The following OPHN1 variants were observed in gnomAD, a reference collection of about 807,000 sequenced individuals.
OPHN1 encodes oligophrenin-1.
Under a neutral mutation model 60.7 loss-of-function variants are expected in OPHN1, and 11 were observed. The ratio of observed to expected loss-of-function variants is 0.18; its 90% CI spans 0.11 to 0.30. The LOEUF (loss-of-function observed/expected upper bound fraction) is 0.30, where lower values mean the gene tolerates loss of function less well. Among genes scored for constraint, OPHN1 ranks in the 10% least tolerant of loss-of-function variants. OPHN1 has a pLI of 1.00. For missense variants in OPHN1, 449 were observed against 611.0 expected (o/e 0.73, Z 2.80); for synonymous variants, 226 against 222.6 (o/e 1.02, Z -0.14).
At chrX:68,267,082 G>A (rs1406548920) in intron 5 of OPHN1, among the ~76,000 whole-genome samples, 2 of 111,495 alleles carry the variant, frequency 1.8e-5, no homozygotes, top group East Asian at 5.6e-4. Context: ...AATAATGGGA[G>A]ACTTTAACAC....
At chrX:68,334,803 C>T (rs970243340) in intron 2 of OPHN1, among the ~76,000 whole-genome samples, 2 of 109,433 alleles carry the variant, frequency 1.8e-5, no homozygotes, top group Non-Finnish European at 3.8e-5. Flanking sequence ...TGGTGAAACC[C>T]CATCTCTACA....
intron 2 of OPHN1, among the ~76,000 whole-genome samples, chrX:68,341,704 G>C (rs1459390613): frequency 1.8e-5 from 2 of 109,614 alleles, no homozygotes; most frequent in African/African-American, 6.6e-5. Flanking sequence ...CAGGCATGGC[G>C]GCACGAGCCT....
intron 2 of OPHN1, among the ~76,000 whole-genome samples, chrX:68,386,747 C>T (rs1475223729): frequency 2.7e-5 from 3 of 112,072 alleles, no homozygotes; most frequent in Non-Finnish European, 5.6e-5. Flanking sequence ...AACTAATATC[C>T]GTATTTGGCT....
chrX:68,260,960 T>C (rs1317907266), intron 5 of OPHN1, among the ~76,000 whole-genome samples: 1 of 112,014 alleles, frequency 8.9e-6, no homozygotes, highest in Non-Finnish European at 1.9e-5. Context: ...CAGTCTCATC[T>C]ACCTCCAGAA....
In OPHN1 at chrX:68,044,599, C is replaced by T. The variant is rs1468061893; in HGVS notation, c.*2573G>A. On this transcript the variant is annotated 3_prime_UTR_variant, in exon 25 of 25. Transcript: ENST00000355520. ...TCTTCCCATAGCCTCTGCAAAATGA[C>T]TGCCCATCCATTAAGCCTAGGGCAA... 1 of 112,811 alleles carries T rather than the reference C, an allele frequency of 8.9e-6. No individual in the cohort carries two copies. Among genetic ancestry groups the T allele is most frequent in the Non-Finnish European group, 1.9e-5 (1 of 53,387 alleles). The allele number at this position is 112,811 out of a possible 1,213,427, so 9.3% of individuals were successfully genotyped here. A position where few individuals can be genotyped will look rare whatever the true frequency, so the allele number is the denominator to read the frequency against.
At position 68,258,014 on chromosome X, in the gene OPHN1, C is replaced by T. The variant is rs187064916; in HGVS notation, c.384+16724G>A. 2.5e-4 allele frequency among the ~76,000 whole-genome samples: 27 copies of T among 109,257 alleles called. 1 individual carries two copies. The highest frequency in any genetic ancestry group is 1.2e-3 in the Admixed American group (12 of 10,053). The allele number at this position is 109,257 out of a possible 115,157, so 94.9% of individuals were successfully genotyped here. On this transcript the variant is annotated intron_variant, in intron 5 of 24. Transcript: ENST00000355520. Reference sequence around the variant, plus strand: ...CAAATAGTTCAAGTAGAAAGGGCACCGGGATAGGGAGAAGGGGCAGATAAC... The same window carrying T: ...CAAATAGTTCAAGTAGAAAGGGCACTGGGATAGGGAGAAGGGGCAGATAAC...
intron 20 of OPHN1, 32 bp from the exon 21 acceptor site, chrX:68,064,209 AATG>A (rs1482412367): frequency 8.5e-7 from 1 of 1,172,492 alleles, no homozygotes; most frequent in Non-Finnish European, 1.2e-6. Context: ...AGGGAAGATT[AATG>A]ATAACTTTTA....
At chrX:68,410,761 C>G (rs2078765211) in intron 2 of OPHN1, among the ~76,000 whole-genome samples, 1 of 110,951 alleles carries the variant, frequency 9.0e-6, no homozygotes, top group African/African-American at 3.3e-5. Flanking sequence ...CACATTCGCA[C>G]CATAGCAGGG....
Position 68,152,838 on chromosome X carries a change from T to C in OPHN1, c.1277-33506A>G, listed in dbSNP as rs192270638. ...AAGTAAACATGCTCATGTTGACTTA[T>C]TGAAGAATGTACATGTATAGAGAGT... is the stretch of plus-strand genomic sequence containing the variant. On this transcript the variant is annotated intron_variant, in intron 15 of 24. Coordinates refer to ENST00000355520, the MANE Select transcript of OPHN1 (RefSeq NM_002547.3). Among the ~76,000 whole-genome samples, 40 of 111,634 alleles carry C rather than the reference T, an allele frequency of 3.6e-4. No individual in the cohort carries two copies. In the South Asian group the frequency reaches 8.3e-3, roughly 23 times the overall value.
At chrX:68,227,017 A>T (rs1056473239) in intron 6 of OPHN1, among the ~76,000 whole-genome samples, 5 of 111,537 alleles carry the variant, frequency 4.5e-5, no homozygotes, top group East Asian at 5.6e-4. Context: ...GACCCATCTC[A>T]CGTGCAGAGA....
At chrX:68,284,094 C>G (rs2078030286) in intron 3 of OPHN1, among the ~76,000 whole-genome samples, 1 of 111,588 alleles carries the variant, frequency 9.0e-6, no homozygotes, top group Admixed American at 9.6e-5. Flanking sequence ...ATACTTTATG[C>G]TAAGAAAAGA....
At chrX:68,214,640 C>T (rs2077599572) in intron 6 of OPHN1, among the ~76,000 whole-genome samples, 1 of 111,969 alleles carries the variant, frequency 8.9e-6, no homozygotes, top group African/African-American at 3.2e-5. Flanking sequence ...AGGCAATAAA[C>T]ACAGTCTGAA....
chrX:68,211,296 T>C (rs1264695729), intron 8 of OPHN1, among the ~76,000 whole-genome samples: 1 of 112,414 alleles, frequency 8.9e-6, no homozygotes, highest in African/African-American at 3.2e-5. Flanking sequence ...CATTCTAAAG[T>C]CACCAACTCA....
At chrX:68,209,814 T>C (rs1407268129) in intron 9 of OPHN1, among the ~76,000 whole-genome samples, 1 of 111,431 alleles carries the variant, frequency 9.0e-6, no homozygotes, top group Non-Finnish European at 1.9e-5. Context: ...GTCTGGTACA[T>C]AATAAGTATA....
At chrX:68,409,966 T>C (rs2078761556) in intron 2 of OPHN1, among the ~76,000 whole-genome samples, 1 of 111,449 alleles carries the variant, frequency 9.0e-6, no homozygotes, top group South Asian at 3.8e-4. Flanking sequence ...AATATCATTC[T>C]TTTCATCAAC....
chrX:68,141,452 T>C (rs938314426), intron 15 of OPHN1, among the ~76,000 whole-genome samples: 1 of 111,916 alleles, frequency 8.9e-6, no homozygotes, highest in Non-Finnish European at 1.9e-5. Context: ...GAAAAGTGTA[T>C]CTTAGAATCA....
At chrX:68,234,465 G>C in intron 6 of OPHN1, 22 bp downstream of exon 6, 1 of 1,115,557 alleles carries the variant, frequency 9.0e-7, no homozygotes, top group Admixed American at 2.2e-5. Context: ...ATGGAAGGCA[G>C]GGGCAGGCTT....
At chrX:68,425,730 T>G (rs2078850905) in intron 2 of OPHN1, among the ~76,000 whole-genome samples, 1 of 109,632 alleles carries the variant, frequency 9.1e-6, no homozygotes, top group African/African-American at 3.4e-5. Flanking sequence ...TTATCAATTT[T>G]ATGTACATTT....
intron 15 of OPHN1, among the ~76,000 whole-genome samples, chrX:68,120,073 G>C (rs886361622): frequency 9.0e-6 from 1 of 111,090 alleles, no homozygotes; most frequent in South Asian, 3.8e-4. Context: ...TCCCAAGAGG[G>C]GGAAAAAAAA....
Sources: gnomAD v4.1 joint callset for allele counts (sites outside exome capture counted in the v4.1 genomes callset) on GRCh38, gnomAD v4.1.1 for gene constraint, MANE v1.5 for transcripts, NCBI Gene and HGNC (gene_info 2026-07-23, HGNC 2026-07-21) for gene names.